Variants in RIMKLB observed in about 807,000 individuals in gnomAD.
RIMKLB encodes ribosomal modification protein rimK like family member B.
RIMKLB carries 7 observed loss-of-function variants against 32.0 expected under a neutral mutation model. That is an observed-to-expected ratio of 0.22 (90% CI 0.12 to 0.41). The LOEUF (loss-of-function observed/expected upper bound fraction) is 0.41. Ranked by LOEUF, RIMKLB falls within the 10% of genes least tolerant of loss-of-function variation. The pLI, the probability that RIMKLB is intolerant of heterozygous loss-of-function variation, is 1.00. For synonymous variants in RIMKLB, 172 were observed against 185.1 expected (o/e 0.93, Z 0.57); for missense variants, 289 against 498.7 (o/e 0.58, Z 4.00).
chr12:8,762,425 C>T (rs746592009), intron 5 of RIMKLB, among the ~76,000 whole-genome samples: 1 of 152,018 alleles, frequency 6.6e-6, no homozygotes, highest in East Asian at 1.9e-4. Flanking sequence ...AATGGAGGGT[C>T]CTGCCTTGCG....
intron 1 of RIMKLB, among the ~76,000 whole-genome samples, chr12:8,703,053 A>C (rs1051179924): frequency 2.0e-5 from 3 of 152,346 alleles, no homozygotes; most frequent in African/African-American, 4.8e-5. Flanking sequence ...TGTGGGGCCA[A>C]GATGGGTGGA....
At chr12:8,684,839 T>C (rs138772053) in intron 1 of RIMKLB, among the ~76,000 whole-genome samples, 1,913 of 152,276 alleles carry the variant, frequency 0.013, 16 homozygotes, top group Non-Finnish European at 0.02. Context: ...TCTAGGCTAG[T>C]CTTGAACTCC....
chr12:8,737,248 G>T (rs1232708380), intron 2 of RIMKLB, among the ~76,000 whole-genome samples: 1 of 145,474 alleles, frequency 6.9e-6, no homozygotes, highest in South Asian at 2.1e-4. Flanking sequence ...CTTTAATCAT[G>T]ACTTTTTTTT....
In RIMKLB at chr12:8,728,763, TTGTGTGTG is replaced by T. The variant is rs375795748; in HGVS notation, c.175+14740_175+14747del. ...GTAGTCTGCCACCATGCTCTGCTAA[TTGTGTGTG>T]TGTGTGTGTGTGTGTGTTTTTGTTT... On this transcript the variant is annotated intron_variant, in intron 2 of 5. Coordinates refer to ENST00000535829, the MANE Select transcript of RIMKLB (RefSeq NM_001297776.2). 1.4e-3 allele frequency among the ~76,000 whole-genome samples: 210 copies of T among 149,598 alleles called. 3 individuals are homozygous for T. The South Asian group carries it at 0.016, about 11-fold the overall frequency.
Position 8,775,266 on chromosome 12 carries a change from A to G in RIMKLB, c.*1482A>G, listed in dbSNP as rs1051904368. The G allele has an allele frequency of 2.1e-5, 21 of 985,326 alleles. 1 individual carries two copies. The South Asian group carries it at 3.8e-4, about 18-fold the overall frequency. 61.0% of individuals were successfully genotyped at this position (985,326 alleles called of 1,614,324 possible). A position where few individuals can be genotyped will look rare whatever the true frequency, so the allele number is the denominator to read the frequency against. ...TTTGGGGACTTATTTAGTAGTATTG[A>G]GTCTCTTATAGCCCTACTCTTAAGC... On this transcript the variant is annotated 3_prime_UTR_variant, in exon 6 of 6. Transcript: ENST00000535829.
intron 3 of RIMKLB, among the ~76,000 whole-genome samples, chr12:8,750,785 A>C (rs995120536): frequency 2.0e-5 from 3 of 152,214 alleles, no homozygotes; most frequent in African/African-American, 7.2e-5. Context: ...ATCCAGGCAT[A>C]GGTTACAGGA....
intron 2 of RIMKLB, among the ~76,000 whole-genome samples, chr12:8,717,184 C>T (rs1233571191): frequency 6.7e-6 from 1 of 150,216 alleles, no homozygotes; most frequent in East Asian, 2.0e-4. Flanking sequence ...AGTGGAGAAA[C>T]TTAAACAAAT....
upstream of RIMKLB, among the ~76,000 whole-genome samples, chr12:8,679,337 C>A (rs775234722): frequency 7.9e-5 from 12 of 151,886 alleles, no homozygotes; most frequent in Non-Finnish European, 1.2e-4. Context: ...CACCCGCCAC[C>A]ACCACCACGT....
intron 2 of RIMKLB, among the ~76,000 whole-genome samples, chr12:8,722,891 T>C (rs1192099307): frequency 1.3e-5 from 2 of 152,364 alleles, no homozygotes; most frequent in East Asian, 3.9e-4. Flanking sequence ...CCGTCAGCCT[T>C]CAAAGAATTG....
chr12:8,704,801 T>C (rs1274244539), intron 1 of RIMKLB, among the ~76,000 whole-genome samples: 1 of 151,942 alleles, frequency 6.6e-6, no homozygotes, highest in Non-Finnish European at 1.5e-5. Context: ...CTGGGCAACA[T>C]AGTGAGAACC....
In RIMKLB at chr12:8,773,555, G is replaced by T; in HGVS notation, c.932G>T (p.Arg311Leu). 2 of 1,614,230 alleles carry T rather than the reference G, an allele frequency of 1.2e-6. No individual in the cohort carries two copies. The highest frequency in any genetic ancestry group is 1.7e-6 in the Non-Finnish European group (2 of 1,180,048). ...DYAASLLPSG[R>L]LTRRMSLLSV... ...GCCGCCTCCCTTCTACCCTCTGGCC[G>T]GCTCACCCGGCGTATGTCCCTGCTC... Residue 311 changes from arginine (R) to leucine (L), a missense_variant, in exon 6 of 6, where the codon CGG (arginine) becomes CTG (leucine). By Grantham distance (102) the Arg-to-Leu change is moderately radical. Coordinates refer to ENST00000535829, the MANE Select transcript of RIMKLB (RefSeq NM_001297776.2).
chr12:8,781,686 TCTGC>T (rs1455715607), downstream of RIMKLB, among the ~76,000 whole-genome samples: 1 of 152,234 alleles, frequency 6.6e-6, no homozygotes, highest in Non-Finnish European at 1.5e-5. Flanking sequence ...ATTTTCCATC[TCTGC>T]CTGCCTGTTT....
At chr12:8,678,547 C>T (rs1004667997), upstream of RIMKLB, among the ~76,000 whole-genome samples, 1 of 151,956 alleles carries the variant, frequency 6.6e-6, no homozygotes, top group Non-Finnish European at 1.5e-5. Context: ...AGGCTGGTCT[C>T]GAACTCCCGA....
intron 1 of RIMKLB, among the ~76,000 whole-genome samples, chr12:8,688,542 TCTC>T (rs1591598248): frequency 6.6e-6 from 1 of 152,226 alleles, no homozygotes; most frequent in Non-Finnish European, 1.5e-5. Flanking sequence ...TACTTTTAGT[TCTC>T]CTGGTACTCC....
rs545427181 is a variant in RIMKLB at position 8,684,297 on chromosome 12, C to T, written n.219+2479C>T. ...AAGCGATTCTCCTTCCTCAGCCTCC[C>T]GAGTAACTGTGACTACAGGCACACG... On this transcript the variant is annotated intron_variant and non_coding_transcript_variant, in intron 1 of 1. Transcript: ENST00000538758. Among the ~76,000 whole-genome samples, 57 of 151,704 alleles carry T rather than the reference C, an allele frequency of 3.8e-4. 2 individuals are homozygous for T. In the South Asian group the frequency reaches 9.1e-3, roughly 24 times the overall value.
At chr12:8,673,560 T>A in the RIMKLB span, among the ~76,000 whole-genome samples, 1 of 152,012 alleles carries the variant, frequency 6.6e-6, no homozygotes, top group Non-Finnish European at 1.5e-5. Flanking sequence ...CTCAGTTATC[T>A]TCCATGTAGT....
intron 5 of RIMKLB, among the ~76,000 whole-genome samples, chr12:8,758,854 G>A (rs1030227512): frequency 1.3e-5 from 2 of 152,102 alleles, no homozygotes; most frequent in Non-Finnish European, 2.9e-5. Context: ...AGGTCCCTTA[G>A]TCTATTGTAT....
In RIMKLB at chr12:8,753,915, T is replaced by C; in HGVS notation, c.519T>C (p.Asp173=). ...HRGKAVFLAR[D]KHHLADLSHL... is the part of the protein sequence containing the mutation. ...GTAAAGCTGTTTTCTTGGCTCGAGA[T>C]AAGCACCATTTGGCTGATCTAAGCC... Residue 173 remains aspartate, a synonymous_variant, in exon 5 of 6, where the codon GAT becomes GAC. Coordinates refer to ENST00000535829, the MANE Select transcript of RIMKLB (RefSeq NM_001297776.2). The C allele has an allele frequency of 1.9e-6, 3 of 1,613,942 alleles. No homozygotes were observed. The highest frequency in any genetic ancestry group is 3.3e-5 in the Admixed American group (2 of 60,020).
In RIMKLB at chr12:8,775,903, C is replaced by A; in HGVS notation, c.*2119C>A. 1 of 985,090 alleles carries A rather than the reference C, an allele frequency of 1.0e-6. No individual in the cohort carries two copies. The highest frequency in any genetic ancestry group is 4.7e-5 in the South Asian group (1 of 21,286). The allele number at this position is 985,090 out of a possible 1,614,324, so 61.0% of individuals were successfully genotyped here. ...GGGGACTCACATACATATATTAATA[C>A]CTCTGACTCATTAACAGAAAGAAAT... On this transcript the variant is annotated 3_prime_UTR_variant, in exon 6 of 6. Coordinates refer to ENST00000535829, the MANE Select transcript of RIMKLB (RefSeq NM_001297776.2).
Sources: allele counts gnomAD v4.1 joint callset (sites outside exome capture counted in the v4.1 genomes callset), GRCh38; gene constraint gnomAD v4.1.1; transcripts MANE v1.5; gene names NCBI Gene and HGNC (gene_info 2026-07-23, HGNC 2026-07-21).